Variants in BRD4 observed in about 807,000 individuals in gnomAD.
BRD4 encodes bromodomain containing 4, also known as bromodomain-containing protein 4.
BRD4 carries 16 observed loss-of-function variants against 142.1 expected under a neutral mutation model. The observed-to-expected ratio is 0.11, with a 90% CI of 0.08 to 0.17. The LOEUF (loss-of-function observed/expected upper bound fraction) is 0.17. BRD4 is among the 10% of genes least tolerant of loss of function. The pLI, the probability that BRD4 is intolerant of heterozygous loss-of-function variation, is 1.00. For synonymous variants in BRD4, 833 were observed against 707.5 expected, an observed-to-expected ratio of 1.18 and a Z score of -2.82; for missense variants, 1,424 against 1,810.9, an observed-to-expected ratio of 0.79 and a Z score of 3.88.
rs781392567 is a variant in BRD4, at chr19:15,239,898, C to A, written c.3282+12G>T. The A allele has an allele frequency of 3.7e-6, 6 of 1,613,968 alleles. No individual in the cohort carries two copies. In the South Asian group the frequency reaches 5.5e-5, roughly 15 times the overall value. On this transcript the variant is annotated intron_variant, in intron 15 of 19. Transcript: ENST00000679869. The surrounding 1 kb of genome is among the most constrained non-coding windows in gnomAD (Gnocchi z 7.4). ...CTAGCCCACAGGACTATGGCCCAGC[C>A]CTGCCAGTTACCTGTTTCTTAGGCT...
intron 1 of BRD4, among the ~76,000 whole-genome samples, chr19:15,324,256 A>G (rs2048089273): frequency 6.6e-6 from 1 of 152,236 alleles, no homozygotes; most frequent in South Asian, 2.1e-4. Context: ...AGGATAAACG[A>G]AAAATAGAAC....
Position 15,255,617 on chromosome 19 carries a change from A to G in BRD4, c.1752-25T>C, listed in dbSNP as rs746545239. 10 of 1,572,884 alleles carry G rather than the reference A, an allele frequency of 6.4e-6. No homozygotes were observed. The African/African-American group carries it at 1.1e-4, about 17-fold the overall frequency. On this transcript the variant is annotated intron_variant, in intron 9 of 19. Transcript: ENST00000679869. Reference sequence around the variant, plus strand: ...GCTACGAAGGGACGATGCAGACACCATCAAGAACGGGCCCCCTGAGGAAGC... The same window carrying G: ...GCTACGAAGGGACGATGCAGACACCGTCAAGAACGGGCCCCCTGAGGAAGC...
chr19:15,245,888 G>A (rs887837802), intron 11 of BRD4, among the ~76,000 whole-genome samples: 4 of 152,202 alleles, frequency 2.6e-5, no homozygotes, highest in Non-Finnish European at 5.9e-5. Flanking sequence ...CACATGCTTT[G>A]CCCAAATCCA....
At chr19:15,285,051 C>G (rs1053706916) in intron 1 of BRD4, among the ~76,000 whole-genome samples, 1 of 152,194 alleles carries the variant, frequency 6.6e-6, no homozygotes, top group Non-Finnish European at 1.5e-5. Flanking sequence ...GCAGCAGCCA[C>G]TCACAGAGCA....
intron 1 of BRD4, among the ~76,000 whole-genome samples, chr19:15,285,012 A>C (rs1014734036): frequency 2.6e-5 from 4 of 151,990 alleles, no homozygotes; most frequent in African/African-American, 4.8e-5. Context: ...CACTGTGCAC[A>C]CCCTTCCTCC....
chr19:15,269,066 C>G (rs758315415), intron 2 of BRD4, 24 bp from the exon 3 acceptor site: 8 of 1,613,112 alleles, frequency 5.0e-6, no homozygotes, highest in Non-Finnish European at 6.8e-6. Context: ...AGCAAAAGTC[C>G]AGTGTCACCT....
At chr19:15,331,795 G>A (rs1194401597) in intron 1 of BRD4, 2 of 149,938 alleles carry the variant, frequency 1.3e-5, no homozygotes, top group Non-Finnish European at 3.0e-5. Flanking sequence ...CGCGGACCGG[G>A]ACAGCTGCGC....
At chr19:15,308,551 C>A (rs1370588325) in intron 1 of BRD4, among the ~76,000 whole-genome samples, 1 of 149,682 alleles carries the variant, frequency 6.7e-6, no homozygotes, top group Non-Finnish European at 1.5e-5. Context: ...TGCGCCACTG[C>A]ACTCCCGCCT....
intron 13 of BRD4, 22 bp downstream of exon 13, chr19:15,244,209 A>G (rs967599563): frequency 5.2e-6 from 8 of 1,544,320 alleles, no homozygotes; most frequent in Non-Finnish European, 7.0e-6. Context: ...CTCAACCCAC[A>G]CTGGGGCAGG....
chr19:15,278,804 T>A (rs1413705084), intron 1 of BRD4, among the ~76,000 whole-genome samples: 1 of 152,096 alleles, frequency 6.6e-6, no homozygotes, highest in Non-Finnish European at 1.5e-5. Context: ...AATGTAAATT[T>A]TCCCTCTAAA....
At position 15,272,963 on chromosome 19, in the gene BRD4, G is replaced by T. The variant is rs1229253526; in HGVS notation, c.137C>A (p.Pro46Gln). ...GTTAGGGTTGGAGGTCTCTGGGGGC[G>T]GGGGGTTGGTGCTGGCTGCGTTGGC... ...QPANAASTNPPPPETSNPNKP... is the reference protein window; with the variant it reads ...QPANAASTNPQPPETSNPNKP... The change falls in exon 2 of 20, where the codon CCG (proline) becomes CAG (glutamine). Residue 46 changes from proline to glutamine, a missense_variant. By Grantham distance (76) the Pro-to-Gln change is moderately conservative. Transcript: ENST00000679869. 6.2e-7 allele frequency: 1 copy of T among 1,614,192 alleles called. No individual in the cohort carries two copies.
chr19:15,324,953 G>C (rs183553512), intron 1 of BRD4, among the ~76,000 whole-genome samples: 2 of 152,202 alleles, frequency 1.3e-5, no homozygotes, highest in South Asian at 4.1e-4. Flanking sequence ...CTTGGAAGAC[G>C]TGGCACCTCT....
At chr19:15,248,624 G>A (rs746149466) in intron 11 of BRD4, 16 of 226,986 alleles carry the variant, frequency 7.0e-5, no homozygotes, top group Admixed American at 4.0e-4. Flanking sequence ...CAATGGAGAC[G>A]AAGGAGGAAA....
In BRD4 at chr19:15,332,435, C is replaced by CGCCGCA. The variant is rs1478524445; in HGVS notation, c.-186_-181dup. 6.8e-6 allele frequency: 1 copy of CGCCGCA among 146,820 alleles called. No homozygotes were observed. The highest frequency in any genetic ancestry group is 6.8e-5 in the Admixed American group (1 of 14,698). The allele number at this position is 146,820 out of a possible 1,614,324, so 9.1% of individuals were successfully genotyped here. A position where few individuals can be genotyped will look rare whatever the true frequency, so the allele number is the denominator to read the frequency against. Reference sequence around the variant, plus strand: ...CTCGCCCGCGGGCACCGCCGGCAGCCGCCGCAGCCGCTGCCGCCGCCACTG... The same window carrying CGCCGCA: ...CTCGCCCGCGGGCACCGCCGGCAGCCGCCGCAGCCGCAGCCGCTGCCGCCGCCACTG... On this transcript the variant is annotated 5_prime_UTR_variant, in exon 1 of 20. Transcript: ENST00000679869.
chr19:15,265,230 C>A, intron 5 of BRD4, 124 bp downstream of exon 5: 1 of 1,000,362 alleles, frequency 1.0e-6, no homozygotes, highest in Non-Finnish European at 1.4e-6. Flanking sequence ...TTCAACACAG[C>A]AAGATCTCCC....
At chr19:15,294,629 G>A (rs2047808871) in intron 1 of BRD4, among the ~76,000 whole-genome samples, 1 of 152,222 alleles carries the variant, frequency 6.6e-6, no homozygotes, top group Non-Finnish European at 1.5e-5. Context: ...GCTCAGGAGA[G>A]GATCGTGCTC....
chr19:15,271,021 C>T (rs887215370), intron 2 of BRD4, among the ~76,000 whole-genome samples: 7 of 152,172 alleles, frequency 4.6e-5, no homozygotes, highest in African/African-American at 1.7e-4. Context: ...ACGTCCTGGC[C>T]ACTCTCCAGC....
At chr19:15,317,074 C>T (rs2048023673) in intron 1 of BRD4, among the ~76,000 whole-genome samples, 1 of 152,196 alleles carries the variant, frequency 6.6e-6, no homozygotes, top group African/African-American at 2.4e-5. Flanking sequence ...TGGACTCCCA[C>T]AGCTTATGCC....
At chr19:15,301,451 C>G (rs1286376463) in intron 1 of BRD4, among the ~76,000 whole-genome samples, 1 of 152,016 alleles carries the variant, frequency 6.6e-6, no homozygotes, top group African/African-American at 2.4e-5. Flanking sequence ...ATCCCAGGTA[C>G]TCAGGAGGCT....
Sources: allele counts gnomAD v4.1 joint callset (sites outside exome capture counted in the v4.1 genomes callset), GRCh38; gene constraint gnomAD v4.1.1; non-coding constraint Gnocchi (gnomAD v3.1); transcripts MANE v1.5; gene names NCBI Gene and HGNC (gene_info 2026-07-23, HGNC 2026-07-21).